The following TTC28 variants were observed in gnomAD, a reference collection of about 807,000 sequenced individuals.
TTC28 encodes the protein tetratricopeptide repeat protein 28.
TTC28 carries 61 observed loss-of-function variants against 198.0 expected under a neutral mutation model. The ratio of observed to expected loss-of-function variants is 0.31; its 90% CI spans 0.25 to 0.38. The LOEUF (loss-of-function observed/expected upper bound fraction) is 0.38, where lower values mean the gene tolerates loss of function less well. Among genes scored for constraint, TTC28 ranks in the 10% least tolerant of loss-of-function variants. The pLI is 1.00. For missense variants in TTC28, 2,678 were observed against 3,164.0 expected, an observed-to-expected ratio of 0.85 and a Z score of 3.69; for synonymous variants, 1,171 against 1,297.8, an observed-to-expected ratio of 0.90 and a Z score of 2.10.
chr22:28,598,691 T>G (rs184925196), intron 2 of TTC28, among the ~76,000 whole-genome samples: 105 of 152,266 alleles, frequency 6.9e-4, no homozygotes, highest in African/African-American at 2.4e-3. Context: ...TAGATTATCC[T>G]GGATATAAAG....
intron 2 of TTC28, among the ~76,000 whole-genome samples, chr22:28,508,387 G>A (rs2048641076): frequency 6.6e-6 from 1 of 152,174 alleles, no homozygotes; most frequent in Middle Eastern, 3.2e-3. Context: ...GGGTTCAAGA[G>A]CTTCCCCTAT....
At chr22:28,415,761 G>C (rs1035569320) in intron 2 of TTC28, among the ~76,000 whole-genome samples, 2 of 152,058 alleles carry the variant, frequency 1.3e-5, no homozygotes, top group Admixed American at 6.5e-5. Context: ...GAGAGGAAAG[G>C]GATCACACCA....
chr22:28,579,773 A>G (rs922099561), intron 2 of TTC28, among the ~76,000 whole-genome samples: 23 of 152,022 alleles, frequency 1.5e-4, no homozygotes, highest in African/African-American at 5.1e-4. Context: ...GTTCAAGACC[A>G]GCCTGGCCAA....
intron 2 of TTC28, among the ~76,000 whole-genome samples, chr22:28,371,505 G>C (rs2046331529): frequency 1.9e-3 from 1 of 536 alleles, no homozygotes; most frequent in East Asian, 0.024. Flanking sequence ...GTGAGACCCT[G>C]TCTCAAAAAA....
At chr22:28,477,692 TTG>T (rs2146314054) in intron 2 of TTC28, among the ~76,000 whole-genome samples, 1 of 152,264 alleles carries the variant, frequency 6.6e-6, no homozygotes, top group South Asian at 2.1e-4. Flanking sequence ...TCCAGCATCT[TTG>T]TAGTCACCTC....
chr22:28,213,822 G>A (rs2147185128), intron 5 of TTC28, among the ~76,000 whole-genome samples: 1 of 152,196 alleles, frequency 6.6e-6, no homozygotes, highest in East Asian at 1.9e-4. Context: ...GCATTGCCAA[G>A]TCAATCCTAA....
In TTC28 at chr22:28,005,995, C is replaced by T. The variant is rs1314401686; in HGVS notation, c.4219-4442G>A. Among the ~76,000 whole-genome samples, 3 of 152,144 alleles carry T rather than the reference C, an allele frequency of 2.0e-5. No homozygotes were observed. Among genetic ancestry groups the T allele is most frequent in the Non-Finnish European group, 2.9e-5 (2 of 68,022 alleles). On this transcript the variant is annotated intron_variant, in intron 14 of 22. Coordinates refer to ENST00000397906, the MANE Select transcript of TTC28 (RefSeq NM_001145418.2). The surrounding 1 kb of genome is among the most constrained non-coding windows in gnomAD (Gnocchi z 4.9). ...ATACTAAACATCCGTGGTTAGTCTA[C>T]GGTGTGGTTTCTGTCTCCAGATGGA...
intron 2 of TTC28, among the ~76,000 whole-genome samples, chr22:28,359,176 C>T (rs572042894): frequency 1.3e-5 from 2 of 152,034 alleles, no homozygotes; most frequent in African/African-American, 2.4e-5. Flanking sequence ...TTCTAGAATA[C>T]GGGTTGGAAT....
At chr22:28,459,430 CAAAGAAAAAAAAAATT>C (rs1396294454) in intron 2 of TTC28, among the ~76,000 whole-genome samples, 1 of 149,758 alleles carries the variant, frequency 6.7e-6, no homozygotes, top group African/African-American at 2.5e-5. Context: ...GACCCGGTTT[CAAAGAAAAAAAAAATT>C]AAAGAAAGAA....
Position 28,105,385 on chromosome 22 carries a change from A to G in TTC28, c.3201T>C (p.Ala1067=), listed in dbSNP as rs1408546986. ...TGGCCGCCAAGTCATTCATCTGTGC[A>G]GCAATGCTCAAGTGCTGTTCTTGAT... ...VVYQEQHLSI[A]AQMNDLAAKT... is the part of the protein sequence containing the mutation. The change falls in exon 8 of 23, where the codon GCT becomes GCC. Residue 1067 remains alanine, a synonymous_variant. Transcript: ENST00000397906. 1.9e-6 allele frequency: 3 copies of G among 1,551,716 alleles called. No homozygotes were observed. The highest frequency in any genetic ancestry group is 2.4e-5 in the East Asian group (1 of 40,928).
intron 2 of TTC28, among the ~76,000 whole-genome samples, chr22:28,485,335 A>G (rs2048302547): frequency 6.6e-6 from 1 of 152,232 alleles, no homozygotes; most frequent in Non-Finnish European, 1.5e-5. Context: ...AAAATAATCT[A>G]GAGACCAGAG....
intron 5 of TTC28, among the ~76,000 whole-genome samples, chr22:28,167,157 C>T (rs1005161903): frequency 6.6e-6 from 1 of 152,190 alleles, no homozygotes; most frequent in Non-Finnish European, 1.5e-5. Flanking sequence ...CAATAACAGG[C>T]TCTCAAATTG....
intron 2 of TTC28, among the ~76,000 whole-genome samples, chr22:28,582,807 T>C (rs2050251413): frequency 6.6e-6 from 1 of 152,234 alleles, no homozygotes; most frequent in South Asian, 2.1e-4. Flanking sequence ...AAAGTTTTTA[T>C]ATGCAACTTG....
At chr22:28,212,363 A>C (rs1393541291) in intron 5 of TTC28, among the ~76,000 whole-genome samples, 1 of 150,378 alleles carries the variant, frequency 6.6e-6, no homozygotes, top group Non-Finnish European at 1.5e-5. Context: ...AGATCAACAA[A>C]ATTGAGAGAC....
intron 2 of TTC28, among the ~76,000 whole-genome samples, chr22:28,604,867 C>T (rs1692197735): frequency 6.6e-6 from 1 of 152,160 alleles, no homozygotes; most frequent in Non-Finnish European, 1.5e-5. Flanking sequence ...CACAAAGCGC[C>T]TATCTACATT....
rs191782588 is a variant in TTC28, at chr22:28,116,045, T to A, written c.1442-7642A>T. ...AATGTATTATTTATTTGCTATACAT[T>A]TATTTCTCCAAATGCAGAGAAATAG... On this transcript the variant is annotated intron_variant, in intron 6 of 22. Transcript: ENST00000397906. Among the ~76,000 whole-genome samples the A allele has an allele frequency of 5.3e-5, 8 of 152,336 alleles. No homozygotes were observed. The East Asian group carries it at 1.5e-3, about 29-fold the overall frequency.
chr22:28,355,707 T>C (rs1203182358), intron 2 of TTC28, among the ~76,000 whole-genome samples: 1 of 152,236 alleles, frequency 6.6e-6, no homozygotes, highest in African/African-American at 2.4e-5. Context: ...CCAAAAGCTG[T>C]CCAGATCCCA....
At chr22:28,241,560 GC>G (rs759045781) in intron 5 of TTC28, among the ~76,000 whole-genome samples, 4 of 151,874 alleles carry the variant, frequency 2.6e-5, no homozygotes, top group Non-Finnish European at 5.9e-5. Context: ...GTATTTCGGG[GC>G]AAAAGGCAAC....
chr22:28,054,282 A>T (rs988802953), intron 12 of TTC28, among the ~76,000 whole-genome samples: 10 of 152,186 alleles, frequency 6.6e-5, no homozygotes, highest in African/African-American at 2.4e-4. Context: ...CCTAATGAGT[A>T]GCTTGGATTG....
Sources: allele counts gnomAD v4.1 joint callset (sites outside exome capture counted in the v4.1 genomes callset), GRCh38; gene constraint gnomAD v4.1.1; non-coding constraint Gnocchi (gnomAD v3.1); transcripts MANE v1.5; gene names NCBI Gene and HGNC (gene_info 2026-07-23, HGNC 2026-07-21).